CDC14B: variants seen among roughly 807,000 people sequenced by gnomAD.
The protein encoded by CDC14B is dual specificity protein phosphatase CDC14B.
CDC14B carries 22 observed loss-of-function variants against 64.2 expected under a neutral mutation model. The observed-to-expected ratio is 0.34, with a 90% confidence interval of 0.24 to 0.49. CDC14B has a LOEUF of 0.49. CDC14B is among the 20% of genes least tolerant of loss of function. The pLI, the probability that CDC14B is intolerant of heterozygous loss-of-function variation, is 0.99. For missense variants in CDC14B, 498 were observed against 629.9 expected (o/e 0.79, Z 2.24); for synonymous variants, 191 against 215.8 (o/e 0.89, Z 1.01).
At chr9:96,563,590 T>C (rs565140773) in intron 3 of CDC14B, among the ~76,000 whole-genome samples, 182 of 143,646 alleles carry the variant, frequency 1.3e-3, no homozygotes, top group African/African-American at 4.3e-3. Context: ...GTGGAGGTTA[T>C]AGTGAGCCCA....
intron 4 of CDC14B, among the ~76,000 whole-genome samples, chr9:96,555,735 C>T (rs958441481): frequency 2.0e-5 from 3 of 152,190 alleles, no homozygotes; most frequent in Non-Finnish European, 2.9e-5. Flanking sequence ...CACAAACACA[C>T]GCAAATACTG....
At chr9:96,616,517 AG>A (rs924629549) in intron 1 of CDC14B, among the ~76,000 whole-genome samples, 1 of 152,036 alleles carries the variant, frequency 6.6e-6, no homozygotes, top group African/African-American at 2.4e-5. Flanking sequence ...CAAGGTCAGG[AG>A]TTTGAGACTA....
chr9:96,518,045 G>C (rs569220949), intron 12 of CDC14B, among the ~76,000 whole-genome samples: 1 of 152,166 alleles, frequency 6.6e-6, no homozygotes, highest in African/African-American at 2.4e-5. Flanking sequence ...ATTTGGAAGG[G>C]CAGAAGCTCT....
At chr9:96,568,781 G>A (rs1310667214) in intron 1 of CDC14B, among the ~76,000 whole-genome samples, 3 of 152,180 alleles carry the variant, frequency 2.0e-5, no homozygotes, top group Non-Finnish European at 4.4e-5. Context: ...GCCAGTCGTG[G>A]TGGTGCATGC....
chr9:96,561,544 T>C (rs1158001172), intron 4 of CDC14B, among the ~76,000 whole-genome samples: 5 of 152,094 alleles, frequency 3.3e-5, no homozygotes, highest in African/African-American at 9.7e-5. Flanking sequence ...AGTGGCGCGA[T>C]CTCCGCTCAC....
chr9:96,544,124 G>A (rs1840463452), intron 5 of CDC14B, among the ~76,000 whole-genome samples: 1 of 152,072 alleles, frequency 6.6e-6, no homozygotes, highest in Admixed American at 6.6e-5. Context: ...GGCTGAGGAA[G>A]GAGAATCACT....
chr9:96,543,696 G>A (rs745683057), intron 5 of CDC14B, among the ~76,000 whole-genome samples: 2 of 152,142 alleles, frequency 1.3e-5, no homozygotes, highest in Non-Finnish European at 1.5e-5. Context: ...ATTACAAGAT[G>A]AAATCTTCTG....
intron 1 of CDC14B, among the ~76,000 whole-genome samples, chr9:96,594,263 C>A (rs1265020772): frequency 6.6e-6 from 1 of 152,130 alleles, no homozygotes; most frequent in Admixed American, 6.6e-5. Flanking sequence ...CGACATGGAG[C>A]TGAGTCCAGG....
chr9:96,581,378 A>G (rs1350998334), intron 1 of CDC14B, among the ~76,000 whole-genome samples: 1 of 151,186 alleles, frequency 6.6e-6, no homozygotes, highest in Non-Finnish European at 1.5e-5. Context: ...CTGAGGCAGG[A>G]GGATCACTTG....
chr9:96,612,222 T>G (rs1847365223), intron 1 of CDC14B, among the ~76,000 whole-genome samples: 1 of 152,226 alleles, frequency 6.6e-6, no homozygotes, highest in African/African-American at 2.4e-5. Flanking sequence ...GAGCTCGCTC[T>G]CAGAAGCAGA....
chr9:96,617,607 C>T (rs1031804290), intron 1 of CDC14B, among the ~76,000 whole-genome samples: 4 of 152,070 alleles, frequency 2.6e-5, no homozygotes, highest in African/African-American at 9.7e-5. Context: ...AACATGTGTG[C>T]TACTCGCACG....
At chr9:96,494,790 CCGTCCTGTCCAGTCT>C (rs1401980644) in intron 13 of CDC14B, among the ~76,000 whole-genome samples, 2 of 119,628 alleles carry the variant, frequency 1.7e-5, no homozygotes, top group Non-Finnish European at 3.5e-5. Context: ...CCGTCCCCTC[CCGTCCTGTCCAGTCT>C]CGTCCCGTCC....
Position 96,521,607 on chromosome 9 carries a change from C to T in CDC14B, c.1343+899G>A, listed in dbSNP as rs536356722. ...TAATTCTACTTCAGAATTTTTATGA[C>T]GAGACACTAGTGAGGAATTACTTTT... On this transcript the variant is annotated intron_variant, in intron 12 of 13. Coordinates refer to ENST00000375241, the MANE Select transcript of CDC14B (RefSeq NM_033331.4). Among the ~76,000 whole-genome samples, 20 of 152,196 alleles carry T rather than the reference C, an allele frequency of 1.3e-4. No individual in the cohort carries two copies. In the South Asian group the frequency reaches 1.4e-3, roughly 11 times the overall value.
chr9:96,526,134 G>A (rs1275435081), intron 9 of CDC14B, among the ~76,000 whole-genome samples: 2 of 152,252 alleles, frequency 1.3e-5, no homozygotes, highest in East Asian at 1.9e-4. Context: ...TTGGGAGGCC[G>A]AGGAGGGCAG....
chr9:96,565,774 CT>C (rs1282849993), intron 1 of CDC14B, among the ~76,000 whole-genome samples: 2 of 152,190 alleles, frequency 1.3e-5, no homozygotes, highest in African/African-American at 2.4e-5. Flanking sequence ...TTTAGCTCCC[CT>C]GGATCAAGAC....
At chr9:96,586,585 C>A (rs554115720) in intron 1 of CDC14B, among the ~76,000 whole-genome samples, 3 of 152,218 alleles carry the variant, frequency 2.0e-5, no homozygotes, top group Admixed American at 1.3e-4. Context: ...CAGGTGTGCA[C>A]CACCACACTC....
At chr9:96,558,144 T>C (rs918407829) in intron 4 of CDC14B, among the ~76,000 whole-genome samples, 1 of 152,192 alleles carries the variant, frequency 6.6e-6, no homozygotes, top group Non-Finnish European at 1.5e-5. Flanking sequence ...TATCAGAGGC[T>C]GGGAAGGGCG....
At position 96,619,500 on chromosome 9, in the gene CDC14B, G is replaced by C. The variant is rs2119132348; in HGVS notation, c.-122C>G. The C allele has an allele frequency of 2.6e-6, 1 of 380,764 alleles. No individual in the cohort carries two copies. Among genetic ancestry groups the C allele is most frequent in the South Asian group, 1.1e-4 (1 of 9,480 alleles). The allele number at this position is 380,764 out of a possible 1,614,324, so 23.6% of individuals were successfully genotyped here. A position where few individuals can be genotyped will look rare whatever the true frequency, so the allele number is the denominator to read the frequency against. Reference sequence around the variant, plus strand: ...GGCGGGCGCAGAGCGGCGCTGCGGGGACGGCGGGCGCCGGCAGAGCCCGGC... The same window carrying C: ...GGCGGGCGCAGAGCGGCGCTGCGGGCACGGCGGGCGCCGGCAGAGCCCGGC... On this transcript the variant is annotated 5_prime_UTR_variant, in exon 1 of 14. Transcript: ENST00000375241.
intron 1 of CDC14B, among the ~76,000 whole-genome samples, chr9:96,595,136 C>T (rs1253734734): frequency 6.6e-6 from 1 of 152,066 alleles, no homozygotes; most frequent in Non-Finnish European, 1.5e-5. Flanking sequence ...GGAGGGAGAG[C>T]GAGATTCCGT....
Sources: gnomAD v4.1 joint callset for allele counts (sites outside exome capture counted in the v4.1 genomes callset) on GRCh38, gnomAD v4.1.1 for gene constraint, MANE v1.5 for transcripts, NCBI Gene and HGNC (gene_info 2026-07-23, HGNC 2026-07-21) for gene names.